The following SDK2 variants were observed in gnomAD, a reference collection of about 807,000 sequenced individuals.
SDK2 encodes protein sidekick-2.
A neutral mutation model predicts 253.9 loss-of-function variants in SDK2; 105 were observed. The ratio of observed to expected loss-of-function variants is 0.41; its 90% CI spans 0.35 to 0.49. The LOEUF (loss-of-function observed/expected upper bound fraction) is 0.49. Among genes scored for constraint, SDK2 ranks in the 20% least tolerant of loss-of-function variants. The pLI is 0.06. For missense variants in SDK2, 2,608 were observed against 3,003.0 expected (o/e 0.87, Z 3.07); for synonymous variants, 1,249 against 1,234.9 (o/e 1.01, Z -0.24).
At chr17:73,568,330 C>T (rs1407650803) in intron 1 of SDK2, among the ~76,000 whole-genome samples, 3 of 152,172 alleles carry the variant, frequency 2.0e-5, no homozygotes, top group South Asian at 2.1e-4. Context: ...TTGAGCCCCT[C>T]GCTAGAAAGA....
chr17:73,618,536 G>T lies in SDK2; in HGVS notation c.64+25489C>A, dbSNP rs1276568486. ...AAAAACCTACTGTATGCCCAGGACA[G>T]TGTGAGAAATGAGAGAGGAAAAAGG... On this transcript the variant is annotated intron_variant, in intron 1 of 44. Coordinates refer to ENST00000392650, the MANE Select transcript of SDK2 (RefSeq NM_001144952.2). This position sits in a 1 kb window ranked among gnomAD's most constrained non-coding sequence, Gnocchi z 4.1. Among the ~76,000 whole-genome samples the T allele has an allele frequency of 6.6e-6, 1 of 152,228 alleles. No homozygotes were observed. Among genetic ancestry groups the T allele is most frequent in the East Asian group, 1.9e-4 (1 of 5,190 alleles).
chr17:73,583,144 C>T (rs1202151709), intron 1 of SDK2, among the ~76,000 whole-genome samples: 1 of 152,220 alleles, frequency 6.6e-6, no homozygotes, highest in Non-Finnish European at 1.5e-5. Context: ...TCAATATTTT[C>T]ACAGAATCCT....
intron 2 of SDK2, among the ~76,000 whole-genome samples, chr17:73,477,988 A>G (rs2063697768): frequency 6.6e-6 from 1 of 152,194 alleles, no homozygotes; most frequent in Non-Finnish European, 1.5e-5. Context: ...TTTATTTATT[A>G]TAGGAAATAT....
intron 1 of SDK2, among the ~76,000 whole-genome samples, chr17:73,597,143 A>G (rs1266893267): frequency 6.6e-6 from 1 of 152,068 alleles, no homozygotes; most frequent in Admixed American, 6.6e-5. Flanking sequence ...TTGTCCTTTA[A>G]CACGTATTCT....
intron 16 of SDK2, 143 bp from the exon 17 acceptor site, chr17:73,416,135 C>T: frequency 3.1e-6 from 2 of 636,776 alleles, no homozygotes; most frequent in Non-Finnish European, 2.6e-6. Flanking sequence ...GACAGGGTGC[C>T]CGCCAGCACA....
chr17:73,433,972 C>T, intron 9 of SDK2, 124 bp from the exon 10 acceptor site: 1 of 644,034 alleles, frequency 1.6e-6, no homozygotes, highest in South Asian at 2.0e-5. Flanking sequence ...TGGTGAGGGG[C>T]CCTCCACGAG....
intron 36 of SDK2, among the ~76,000 whole-genome samples, chr17:73,375,788 A>G (rs527576647): frequency 7.6e-4 from 114 of 150,338 alleles, no homozygotes; most frequent in African/African-American, 2.5e-3. Flanking sequence ...CCTGGGAGGC[A>G]GAGGTTGCAG....
intron 3 of SDK2, among the ~76,000 whole-genome samples, chr17:73,464,567 T>C (rs1870663453): frequency 6.6e-6 from 1 of 152,300 alleles, no homozygotes; most frequent in African/African-American, 2.4e-5. Flanking sequence ...CCCCAAGTTC[T>C]CTCCTTCCAG....
intron 18 of SDK2, among the ~76,000 whole-genome samples, chr17:73,403,355 C>T (rs887084518): frequency 1.3e-5 from 2 of 152,188 alleles, no homozygotes; most frequent in African/African-American, 4.8e-5. Context: ...GGGGCATCGG[C>T]AAGAAAGTCC....
intron 27 of SDK2, among the ~76,000 whole-genome samples, chr17:73,392,817 G>A (rs2062939135): frequency 6.6e-6 from 1 of 152,104 alleles, no homozygotes; most frequent in South Asian, 2.1e-4. Context: ...TTCTGATGGG[G>A]AGTTTTGCTA....
At position 73,417,241 on chromosome 17, in the gene SDK2, T is replaced by TAA. The variant is rs112364858; in HGVS notation, c.2187-1251_2187-1250dup. ...CAAAAAGATGAAATCTTGTCTCTAC[T>TAA]AAAAAAAAAAAAAAATTAGCCGGAT... On this transcript the variant is annotated intron_variant, in intron 16 of 44. Coordinates refer to ENST00000392650, the MANE Select transcript of SDK2 (RefSeq NM_001144952.2). 6.1e-3 allele frequency among the ~76,000 whole-genome samples: 866 copies of TAA among 141,026 alleles called. 6 individuals carry two copies. Among genetic ancestry groups the TAA allele is most frequent in the African/African-American group, 0.017 (654 of 38,164 alleles). 92.5% of individuals were successfully genotyped at this position (141,026 alleles called of 152,430 possible). A position where few individuals can be genotyped will look rare whatever the true frequency, so the allele number is the denominator to read the frequency against.
At chr17:73,532,196 C>T in intron 1 of SDK2, among the ~76,000 whole-genome samples, 1 of 149,554 alleles carries the variant, frequency 6.7e-6, no homozygotes, top group East Asian at 2.0e-4. Context: ...ATGGACAGGA[C>T]AGCCCCCCCA....
intron 2 of SDK2, among the ~76,000 whole-genome samples, chr17:73,494,913 TGGCA>T (rs1208564727): frequency 6.6e-6 from 1 of 152,252 alleles, no homozygotes; most frequent in East Asian, 1.9e-4. Flanking sequence ...CCATGTCCTC[TGGCA>T]CCAGTGGCCT....
intron 1 of SDK2, among the ~76,000 whole-genome samples, chr17:73,604,100 CAGCCTT>C (rs2045876819): frequency 6.6e-6 from 1 of 152,250 alleles, no homozygotes; most frequent in Non-Finnish European, 1.5e-5. Context: ...GCGCCAGCGT[CAGCCTT>C]CCTGGCCAGG....
intron 1 of SDK2, among the ~76,000 whole-genome samples, chr17:73,585,955 A>G (rs1296068887): frequency 6.6e-6 from 1 of 152,228 alleles, no homozygotes; most frequent in African/African-American, 2.4e-5. Flanking sequence ...GTGTCCTAGG[A>G]AATATATATA....
rs2062549387 is a variant in SDK2 at position 73,352,633 on chromosome 17, C to G, written c.5598G>C (p.Glu1866Asp). The G allele has an allele frequency of 6.2e-7, 1 of 1,613,866 alleles. No homozygotes were observed. The highest frequency in any genetic ancestry group is 8.5e-7 in the Non-Finnish European group (1 of 1,179,788). The change falls in exon 41 of 45, where the codon GAG (glutamate) becomes GAC (aspartate). Residue 1866 changes from glutamate (E) to aspartate (D), a missense_variant. Physicochemically the swap from Glu to Asp is conservative, Grantham distance 45. This residue lies in a region of SDK2 where 1,103 missense variants were observed against 1,143.9 expected (regional missense o/e 0.96). Transcript: ENST00000392650. The surrounding 1 kb of genome is among the most constrained non-coding windows in gnomAD (Gnocchi z 4.1). ...CTTTGATGAGGATGTCCCATAGTCC[C>G]TCGTCTGCAGGAGCACAGAGATGGA... The part of the protein sequence containing the change: ...RYVIEARPSD[E>D]GLWDILIKDI...
intron 44 of SDK2, among the ~76,000 whole-genome samples, chr17:73,339,893 C>T (rs190846468): frequency 4.1e-4 from 61 of 149,680 alleles, no homozygotes; most frequent in African/African-American, 1.2e-3. Context: ...TTTTTTGATA[C>T]GCAGTTTCAC....
At chr17:73,462,558 A>G (rs1238033765) in intron 3 of SDK2, among the ~76,000 whole-genome samples, 2 of 152,024 alleles carry the variant, frequency 1.3e-5, no homozygotes, top group African/African-American at 4.8e-5. Context: ...GTATGCATGT[A>G]TGTTTGTATG....
chr17:73,556,953 T>C (rs1286867779), intron 1 of SDK2, among the ~76,000 whole-genome samples: 1 of 152,226 alleles, frequency 6.6e-6, no homozygotes, highest in African/African-American at 2.4e-5. Flanking sequence ...TATGGGGCTA[T>C]GATTACTGAG....
Sources: gnomAD v4.1 joint callset for allele counts (sites outside exome capture counted in the v4.1 genomes callset) on GRCh38, gnomAD v4.1.1 for gene constraint, gnomAD v4.1.1 regional missense constraint, Gnocchi (gnomAD v3.1) non-coding constraint, MANE v1.5 for transcripts, NCBI Gene and HGNC (gene_info 2026-07-23, HGNC 2026-07-21) for gene names.